The following PDZD2 variants were observed in gnomAD, a reference collection of about 807,000 sequenced individuals.
The protein encoded by PDZD2 is PDZ domain-containing protein 2.
PDZD2 carries 90 observed loss-of-function variants against 220.7 expected under a neutral mutation model. The ratio of observed to expected loss-of-function variants is 0.41; its 90% confidence interval spans 0.34 to 0.49. The LOEUF (loss-of-function observed/expected upper bound fraction) is 0.49, where lower values mean the gene tolerates loss of function less well. Among genes scored for constraint, PDZD2 ranks in the 20% least tolerant of loss-of-function variants. PDZD2 has a pLI of 0.28. For synonymous variants in PDZD2, 1,375 were observed against 1,450.5 expected (o/e 0.95, Z 1.18); for missense variants, 3,174 against 3,608.5 (o/e 0.88, Z 3.08).
At chr5:31,911,917 G>C (rs1743242843) in intron 2 of PDZD2, among the ~76,000 whole-genome samples, 1 of 152,128 alleles carries the variant, frequency 6.6e-6, no homozygotes, top group Non-Finnish European at 1.5e-5. Flanking sequence ...GCTTCTGATT[G>C]GTAGAAATAA....
At chr5:31,895,935 C>T (rs1741508932) in intron 2 of PDZD2, among the ~76,000 whole-genome samples, 2 of 152,122 alleles carry the variant, frequency 1.3e-5, no homozygotes, top group Non-Finnish European at 2.9e-5. Context: ...CAGCGATGTG[C>T]CAGGGCTTTT....
intron 2 of PDZD2, among the ~76,000 whole-genome samples, chr5:31,982,203 G>T (rs1183887757): frequency 6.6e-6 from 1 of 152,236 alleles, no homozygotes; most frequent in African/African-American, 2.4e-5. Flanking sequence ...CTCCATGTGT[G>T]CTGTGATCAG....
intron 2 of PDZD2, among the ~76,000 whole-genome samples, chr5:31,953,302 A>G (rs953648662): frequency 1.3e-5 from 2 of 152,142 alleles, no homozygotes; most frequent in Non-Finnish European, 2.9e-5. Context: ...TATTGAAATA[A>G]TTGCCTAAAA....
Position 31,751,965 on chromosome 5 carries a change from C to T in PDZD2, c.-360-46924C>T, listed in dbSNP as rs77174952. 6.1e-3 allele frequency among the ~76,000 whole-genome samples: 928 copies of T among 152,078 alleles called. 8 individuals are homozygous for T. The highest frequency in any genetic ancestry group is 0.021 in the African/African-American group (865 of 41,474). ...AGGGAGGATTTCTCACTGTTCCCTG[C>T]ACCCCAATGCTTCTCTGCCTTTGTA... On this transcript the variant is annotated intron_variant, in intron 1 of 24. Transcript: ENST00000438447.
intron 1 of PDZD2, among the ~76,000 whole-genome samples, chr5:31,717,126 A>AG (rs1304162416): frequency 6.6e-6 from 1 of 152,182 alleles, no homozygotes; most frequent in Non-Finnish European, 1.5e-5. Context: ...ATTAAAAAAA[A>AG]GAGTCAATAG....
chr5:31,875,485 C>T (rs978403919), intron 2 of PDZD2, among the ~76,000 whole-genome samples: 3 of 151,088 alleles, frequency 2.0e-5, no homozygotes, highest in Non-Finnish European at 4.4e-5. Context: ...ACTTAGGAGG[C>T]TGAGATGGGA....
intron 1 of PDZD2, among the ~76,000 whole-genome samples, chr5:31,695,658 C>T (rs1404327717): frequency 6.6e-6 from 1 of 152,196 alleles, no homozygotes; most frequent in East Asian, 1.9e-4. Context: ...TGCACACCAC[C>T]TTAGGGGCTG....
intron 5 of PDZD2, among the ~76,000 whole-genome samples, chr5:32,005,950 C>A (rs529615159): frequency 6.6e-6 from 1 of 152,176 alleles, no homozygotes; most frequent in East Asian, 1.9e-4. Context: ...GATTCGAGAC[C>A]AGCCTGCCCA....
chr5:31,718,440 A>G (rs975465713), intron 1 of PDZD2, among the ~76,000 whole-genome samples: 1 of 152,208 alleles, frequency 6.6e-6, no homozygotes. Context: ...GGGCTGCCAT[A>G]ACAAAGTACC....
intron 2 of PDZD2, among the ~76,000 whole-genome samples, chr5:31,868,228 G>A (rs915083033): frequency 3.9e-5 from 6 of 152,140 alleles, no homozygotes; most frequent in African/African-American, 1.4e-4. Context: ...GGTGGATCAC[G>A]AGGGTCAGCA....
chr5:32,014,002 C>A (rs796085379), intron 6 of PDZD2, among the ~76,000 whole-genome samples: 6 of 152,350 alleles, frequency 3.9e-5, no homozygotes, highest in African/African-American at 1.4e-4. Flanking sequence ...CACAGTCTAC[C>A]AGGGTCGGCC....
At chr5:31,827,966 A>G (rs969471031) in intron 2 of PDZD2, among the ~76,000 whole-genome samples, 4 of 152,182 alleles carry the variant, frequency 2.6e-5, no homozygotes, top group Non-Finnish European at 5.9e-5. Context: ...ATTTCAGTAC[A>G]TGGTCTTCTG....
intron 8 of PDZD2, among the ~76,000 whole-genome samples, chr5:32,051,005 G>A (rs1288113695): frequency 3.3e-5 from 5 of 151,996 alleles, no homozygotes; most frequent in Non-Finnish European, 5.9e-5. Flanking sequence ...TTTTAATATA[G>A]ATACCTACAG....
At chr5:31,704,478 C>T (rs9292440) in intron 1 of PDZD2, among the ~76,000 whole-genome samples, 47 of 152,292 alleles carry the variant, frequency 3.1e-4, no homozygotes, top group African/African-American at 1.1e-3. Flanking sequence ...CAGTAAGGAC[C>T]CTTCAAAATG....
At chr5:31,903,285 C>T (rs1742274155) in intron 2 of PDZD2, among the ~76,000 whole-genome samples, 1 of 151,320 alleles carries the variant, frequency 6.6e-6, no homozygotes, top group Non-Finnish European at 1.5e-5. Flanking sequence ...CAAAGTGAGA[C>T]TCCATCTCAA....
chr5:32,047,136 T>C (rs1341388629), intron 7 of PDZD2, among the ~76,000 whole-genome samples: 1 of 152,130 alleles, frequency 6.6e-6, no homozygotes, highest in East Asian at 1.9e-4. Context: ...GCAAAAGACT[T>C]GTTCAGGCAC....
At chr5:31,806,088 G>A (rs897245383) in intron 2 of PDZD2, among the ~76,000 whole-genome samples, 1 of 152,152 alleles carries the variant, frequency 6.6e-6, no homozygotes. Flanking sequence ...AAAACTACTA[G>A]TACAGGTGAC....
intron 2 of PDZD2, among the ~76,000 whole-genome samples, chr5:31,850,888 G>A (rs577623091): frequency 1.3e-5 from 2 of 151,948 alleles, no homozygotes; most frequent in African/African-American, 4.8e-5. Context: ...CACCCGCCTT[G>A]GTCTTCCAAA....
chr5:31,731,816 ATGC>A (rs1749552118), intron 1 of PDZD2, among the ~76,000 whole-genome samples: 3 of 152,234 alleles, frequency 2.0e-5, no homozygotes, highest in African/African-American at 7.2e-5. Flanking sequence ...ATGAACATCC[ATGC>A]TGAGTATTTG....
Sources: gnomAD v4.1 joint callset for allele counts (sites outside exome capture counted in the v4.1 genomes callset) on GRCh38, gnomAD v4.1.1 for gene constraint, MANE v1.5 for transcripts, NCBI Gene and HGNC (gene_info 2026-07-23, HGNC 2026-07-21) for gene names.